Variants in NBAS observed in about 807,000 individuals in gnomAD.
NBAS encodes NBAS subunit of NRZ tethering complex.
A neutral mutation model predicts 302.5 loss-of-function variants in NBAS; 219 were observed. The ratio of observed to expected loss-of-function variants is 0.72; its 90% CI spans 0.65 to 0.81. The LOEUF is 0.81. Among genes scored for constraint, NBAS ranks in the 30% least tolerant of loss-of-function variants. The probability of loss-of-function intolerance (pLI) is 0.00; values close to 1 mark genes in which losing one functional copy is unlikely to be tolerated. For synonymous variants in NBAS, 1,118 were observed against 1,021.6 expected, an observed-to-expected ratio of 1.09 and a Z score of -1.80; for missense variants, 2,932 against 2,841.6, an observed-to-expected ratio of 1.03 and a Z score of -0.72.
chr2:15,308,049 G>A (rs1026246642), intron 40 of NBAS, among the ~76,000 whole-genome samples, 167 bp downstream of exon 40: 19 of 152,172 alleles, frequency 1.2e-4, no homozygotes, highest in Admixed American at 2.6e-4. Flanking sequence ...ACTGATACCT[G>A]GAGAAGCAAC....
chr2:14,969,846 G>T, the NBAS span, among the ~76,000 whole-genome samples: 1 of 152,106 alleles, frequency 6.6e-6, no homozygotes, highest in Admixed American at 6.5e-5. Context: ...GCTTCGGGTG[G>T]TGGGGGGGAT....
At chr2:15,118,667 C>A in the NBAS span, among the ~76,000 whole-genome samples, 1 of 152,072 alleles carries the variant, frequency 6.6e-6, no homozygotes, top group African/African-American at 2.4e-5. Context: ...GGAGTGGCCA[C>A]GGGAGATTAC....
At chr2:15,162,451 C>A (rs78686727), downstream of NBAS, among the ~76,000 whole-genome samples, 1,335 of 152,284 alleles carry the variant, frequency 8.8e-3, 17 homozygotes, top group African/African-American at 0.029. Flanking sequence ...CTCTGACAGC[C>A]ACCGGGGGAG....
chr2:15,207,440 G>A (rs571189777), intron 48 of NBAS, among the ~76,000 whole-genome samples: 64 of 152,280 alleles, frequency 4.2e-4, no homozygotes, highest in African/African-American at 1.4e-3. Context: ...TTCAGTTAAG[G>A]CTGGAATGAG....
At chr2:15,028,366 G>A in the NBAS span, among the ~76,000 whole-genome samples, 9 of 152,292 alleles carry the variant, frequency 5.9e-5, no homozygotes, top group Non-Finnish European at 1.0e-4. Flanking sequence ...ATTCTGACAC[G>A]TAACAAAATT....
chr2:14,805,643 G>A, the NBAS span, among the ~76,000 whole-genome samples: 2 of 152,170 alleles, frequency 1.3e-5, no homozygotes, highest in Non-Finnish European at 2.9e-5. Context: ...TGAGATAATA[G>A]TGGCCTGGAC....
At chr2:15,352,718 G>A (rs943737429) in intron 34 of NBAS, among the ~76,000 whole-genome samples, 1 of 152,110 alleles carries the variant, frequency 6.6e-6, no homozygotes, top group Non-Finnish European at 1.5e-5. Context: ...TTTTCCGGTG[G>A]AATGCCCTCA....
chr2:14,861,151 C>T, the NBAS span, among the ~76,000 whole-genome samples: 1 of 152,178 alleles, frequency 6.6e-6, no homozygotes, highest in African/African-American at 2.4e-5. Flanking sequence ...AAGTCCCATA[C>T]TTTGAGTTCT....
chr2:15,088,186 C>T, the NBAS span, among the ~76,000 whole-genome samples: 5 of 152,250 alleles, frequency 3.3e-5, no homozygotes, highest in African/African-American at 1.2e-4. Flanking sequence ...CATGGTTTCT[C>T]TCACTGGTGA....
At chr2:14,850,151 A>C in the NBAS span, among the ~76,000 whole-genome samples, 1 of 135,146 alleles carries the variant, frequency 7.4e-6, no homozygotes, top group Non-Finnish European at 1.5e-5. Flanking sequence ...ATAAAGAGTC[A>C]AGACCCATCA....
the NBAS span, among the ~76,000 whole-genome samples, chr2:15,058,167 A>C: frequency 1.3e-5 from 2 of 152,230 alleles, no homozygotes; most frequent in African/African-American, 4.8e-5. Context: ...TGAGTTTAAA[A>C]TCATATGAAT....
At chr2:15,519,810 A>G (rs1224162152) in intron 9 of NBAS, among the ~76,000 whole-genome samples, 1 of 152,140 alleles carries the variant, frequency 6.6e-6, no homozygotes, top group Non-Finnish European at 1.5e-5. Flanking sequence ...CCACATTTTG[A>G]GAACCACTGC....
the NBAS span, among the ~76,000 whole-genome samples, chr2:15,091,064 C>T: frequency 6.6e-6 from 1 of 152,164 alleles, no homozygotes; most frequent in African/African-American, 2.4e-5. Flanking sequence ...TTTTTCTAGG[C>T]ATCTCTGGTT....
At chr2:15,411,020 G>C (rs1180286093) in intron 25 of NBAS, among the ~76,000 whole-genome samples, 2 of 152,178 alleles carry the variant, frequency 1.3e-5, no homozygotes. Flanking sequence ...TTCAGCCTGA[G>C]CTAAGGCACT....
the NBAS span, among the ~76,000 whole-genome samples, chr2:14,961,675 C>A: frequency 2.6e-5 from 4 of 152,200 alleles, no homozygotes; most frequent in African/African-American, 9.7e-5. Context: ...TAATTTCATT[C>A]TTATAGTAAA....
chr2:15,008,460 C>A, the NBAS span, among the ~76,000 whole-genome samples: 1 of 152,228 alleles, frequency 6.6e-6, no homozygotes, highest in Non-Finnish European at 1.5e-5. Flanking sequence ...AAGGTCCATT[C>A]ACTCCTGGAA....
At chr2:14,945,584 TA>T in the NBAS span, among the ~76,000 whole-genome samples, 13 of 152,264 alleles carry the variant, frequency 8.5e-5, no homozygotes, top group Admixed American at 3.3e-4. Flanking sequence ...TTAATGAGAT[TA>T]AAATAATTTT....
At chr2:15,436,467 A>G (rs1678020000) in intron 21 of NBAS, among the ~76,000 whole-genome samples, 1 of 152,216 alleles carries the variant, frequency 6.6e-6, no homozygotes, top group Non-Finnish European at 1.5e-5. Context: ...CCAATGACAG[A>G]AAAAATTATA....
At chr2:15,001,834 T>G in the NBAS span, among the ~76,000 whole-genome samples, 3 of 152,104 alleles carry the variant, frequency 2.0e-5, no homozygotes, top group South Asian at 6.2e-4. Flanking sequence ...GTGTTACAGC[T>G]CATAAAAGCA....
Sources: gnomAD v4.1 joint callset for allele counts (sites outside exome capture counted in the v4.1 genomes callset) on GRCh38, gnomAD v4.1.1 for gene constraint, MANE v1.5 for transcripts, NCBI Gene and HGNC (gene_info 2026-07-23, HGNC 2026-07-21) for gene names.